Variants in ZRANB3 observed in about 807,000 individuals in gnomAD.
ZRANB3 encodes the protein DNA annealing helicase and endonuclease ZRANB3.
A neutral mutation model predicts 133.8 loss-of-function variants in ZRANB3; 125 were observed. The ratio of observed to expected loss-of-function variants is 0.93; its 90% CI spans 0.81 to 1.08. The LOEUF (loss-of-function observed/expected upper bound fraction) is 1.08, where lower values mean the gene tolerates loss of function less well. ZRANB3 is among the 50% of genes least tolerant of loss of function. The pLI, the probability that ZRANB3 is intolerant of heterozygous loss-of-function variation, is 0.00. For synonymous variants in ZRANB3, 387 were observed against 432.7 expected, an observed-to-expected ratio of 0.89 and a Z score of 1.31; for missense variants, 1,229 against 1,275.5, an observed-to-expected ratio of 0.96 and a Z score of 0.56.
intron 6 of ZRANB3, among the ~76,000 whole-genome samples, chr2:135,325,260 C>T (rs1270230636): frequency 6.6e-6 from 1 of 152,158 alleles, no homozygotes; most frequent in African/African-American, 2.4e-5. Flanking sequence ...AAGCACTGGA[C>T]ACCACTGTAA....
intron 3 of ZRANB3, among the ~76,000 whole-genome samples, chr2:135,382,292 A>G (rs555250865): frequency 5.8e-4 from 89 of 152,314 alleles, no homozygotes; most frequent in African/African-American, 2.1e-3. Context: ...AAGTTTAGAG[A>G]AAAAAGAATA....
At chr2:135,378,791 T>C (rs1255377355) in intron 3 of ZRANB3, among the ~76,000 whole-genome samples, 1 of 152,174 alleles carries the variant, frequency 6.6e-6, no homozygotes, top group Non-Finnish European at 1.5e-5. Context: ...AAGTACCAGT[T>C]GAATTCCAAT....
In ZRANB3 at chr2:135,323,676, C is replaced by CA. The variant is rs569370931; in HGVS notation, c.678-8147dup. Among the ~76,000 whole-genome samples the CA allele has an allele frequency of 1.2e-4, 18 of 151,464 alleles. No individual in the cohort carries two copies. The East Asian group carries it at 1.4e-3, about 11-fold the overall frequency. ...ATAAGGATTATAAATAAAATTGATTCAAAAAAAACATGAGTTAAAAACTCT... is the reference window on the plus strand; with the variant it reads ...ATAAGGATTATAAATAAAATTGATTCAAAAAAAAACATGAGTTAAAAACTCT... On this transcript the variant is annotated intron_variant, in intron 6 of 20. Transcript: ENST00000264159.
At chr2:135,383,949 C>T (rs946695637) in intron 3 of ZRANB3, among the ~76,000 whole-genome samples, 6 of 151,996 alleles carry the variant, frequency 3.9e-5, no homozygotes, top group South Asian at 4.2e-4. Context: ...GAAGCAAAAG[C>T]GAACACATTC....
chr2:135,506,792 T>C (rs1693209626), intron 1 of ZRANB3, among the ~76,000 whole-genome samples: 1 of 152,144 alleles, frequency 6.6e-6, no homozygotes, highest in South Asian at 2.1e-4. Context: ...GAGACAAAGA[T>C]ATCAATAAGG....
At chr2:135,465,873 C>T (rs1046705610) in intron 2 of ZRANB3, among the ~76,000 whole-genome samples, 8 of 152,172 alleles carry the variant, frequency 5.3e-5, no homozygotes, top group Non-Finnish European at 1.0e-4. Context: ...CGAACAGACA[C>T]TTGCCAAAAG....
chr2:135,296,715 C>T (rs1682133262), intron 8 of ZRANB3, among the ~76,000 whole-genome samples: 1 of 152,072 alleles, frequency 6.6e-6, no homozygotes, highest in Non-Finnish European at 1.5e-5. Context: ...GTTTTATCTA[C>T]CTTTGGTCTT....
At chr2:135,349,602 G>T (rs2104872157) in intron 5 of ZRANB3, among the ~76,000 whole-genome samples, 1 of 152,278 alleles carries the variant, frequency 6.6e-6, no homozygotes, top group South Asian at 2.1e-4. Flanking sequence ...GCTCTGAAAT[G>T]CAGTGTAAAA....
At chr2:135,280,194 G>C (rs1247429857) in intron 8 of ZRANB3, among the ~76,000 whole-genome samples, 1 of 152,154 alleles carries the variant, frequency 6.6e-6, no homozygotes, top group Non-Finnish European at 1.5e-5. Flanking sequence ...TATTTTACTA[G>C]AATTGATCTG....
chr2:135,398,611 T>TG (rs905962538), intron 2 of ZRANB3, among the ~76,000 whole-genome samples: 7 of 146,096 alleles, frequency 4.8e-5, no homozygotes, highest in African/African-American at 1.8e-4. Flanking sequence ...CTCCGCCTCC[T>TG]GGGTTTACGC....
At chr2:135,456,780 GAACCTCAAATTATC>G (rs907950791) in intron 2 of ZRANB3, among the ~76,000 whole-genome samples, 10 of 152,188 alleles carry the variant, frequency 6.6e-5, no homozygotes, top group African/African-American at 2.4e-4. Context: ...TATTCCTAAA[GAACCTCAAATTATC>G]ACTCTACTGA....
chr2:135,451,594 A>G (rs1440881862), intron 2 of ZRANB3, among the ~76,000 whole-genome samples: 1 of 151,816 alleles, frequency 6.6e-6, no homozygotes, highest in African/African-American at 2.4e-5. Context: ...AAAACAAACC[A>G]CTAACACTAA....
chr2:135,285,543 C>T (rs561755806), intron 8 of ZRANB3, among the ~76,000 whole-genome samples: 1 of 152,306 alleles, frequency 6.6e-6, no homozygotes, highest in Non-Finnish European at 1.5e-5. Flanking sequence ...AATAGGATTC[C>T]ACCTGTGCTA....
chr2:135,257,335 C>T (rs993956492), intron 12 of ZRANB3, among the ~76,000 whole-genome samples: 1 of 152,162 alleles, frequency 6.6e-6, no homozygotes, highest in African/African-American at 2.4e-5. Flanking sequence ...TTTGTTTACC[C>T]ATTCATCAAT....
At chr2:135,429,524 T>A (rs1558993975) in intron 2 of ZRANB3, among the ~76,000 whole-genome samples, 3 of 151,832 alleles carry the variant, frequency 2.0e-5, no homozygotes, top group African/African-American at 7.3e-5. Context: ...CCTAAAAGTT[T>A]AAAAAAAATA....
chr2:135,398,239 T>C (rs1227888355), intron 2 of ZRANB3, among the ~76,000 whole-genome samples: 1 of 151,588 alleles, frequency 6.6e-6, no homozygotes, highest in East Asian at 2.0e-4. Flanking sequence ...CTAATTGTTT[T>C]GTTTTTTTAG....
chr2:135,313,519 A>T lies in ZRANB3; in HGVS notation c.936T>A (p.Thr312=). ...CAATAGCAGTTTGTTTAAACATGCG[A>T]GTTATCAACCCCATGACTGTCTCCA... ...GAMETVMGLI[T]RMFKQTAIAK... Residue 312 remains threonine, a synonymous_variant, in exon 8 of 21, where the codon ACT becomes ACA. Transcript: ENST00000264159. The T allele has an allele frequency of 6.2e-7, 1 of 1,613,590 alleles. No individual in the cohort carries two copies. Among genetic ancestry groups the T allele is most frequent in the Non-Finnish European group, 8.5e-7 (1 of 1,179,676 alleles).
chr2:135,316,968 A>AG (rs1683286511), intron 6 of ZRANB3, among the ~76,000 whole-genome samples: 1 of 93,218 alleles, frequency 1.1e-5, no homozygotes, highest in Admixed American at 1.2e-4. Flanking sequence ...CCGTCTCGAG[A>AG]AAAAAAAAAA....
intron 3 of ZRANB3, among the ~76,000 whole-genome samples, chr2:135,359,584 A>C (rs1685581144): frequency 6.6e-6 from 1 of 151,836 alleles, no homozygotes; most frequent in South Asian, 2.1e-4. Context: ...CCCTGAAAAA[A>C]AAAAAAAGGA....
Sources: gnomAD v4.1 joint callset for allele counts (sites outside exome capture counted in the v4.1 genomes callset) on GRCh38, gnomAD v4.1.1 for gene constraint, MANE v1.5 for transcripts, NCBI Gene and HGNC (gene_info 2026-07-23, HGNC 2026-07-21) for gene names.